Variants in COBL observed in about 807,000 individuals in gnomAD.
COBL encodes protein cordon-bleu.
In COBL, 51 loss-of-function variants were observed where a neutral mutation model predicts 98.8. That is an observed-to-expected ratio of 0.52 (90% CI 0.41 to 0.65). The LOEUF (loss-of-function observed/expected upper bound fraction) is 0.65, where lower values mean the gene tolerates loss of function less well. Ranked by LOEUF, COBL falls within the 30% of genes least tolerant of loss-of-function variation. The probability of loss-of-function intolerance (pLI) is 0.00; values close to 1 mark genes in which losing one functional copy is unlikely to be tolerated. For missense variants in COBL, 1,617 were observed against 1,617.5 expected (o/e 1.00, Z 0.01); for synonymous variants, 634 against 651.7 (o/e 0.97, Z 0.41).
In COBL at chr7:51,133,478, C is replaced by T. The variant is rs138583232; in HGVS notation, c.957+2680G>A. On this transcript the variant is annotated intron_variant, in intron 6 of 12. Coordinates refer to ENST00000265136, the MANE Select transcript of COBL (RefSeq NM_015198.5). ...GGGTGGTTCTCAAAGTGGGGTTCACCGGAGCGGCAGCACTTAAGATGCAAA... is the reference window on the plus strand; with the variant it reads ...GGGTGGTTCTCAAAGTGGGGTTCACTGGAGCGGCAGCACTTAAGATGCAAA... Among the ~76,000 whole-genome samples the T allele has an allele frequency of 4.0e-3, 613 of 152,194 alleles. 5 individuals carry two copies. The highest frequency in any genetic ancestry group is 7.2e-3 in the Non-Finnish European group (489 of 68,010).
chr7:51,309,194 A>G (rs1802779086), intron 1 of COBL, among the ~76,000 whole-genome samples: 1 of 152,106 alleles, frequency 6.6e-6, no homozygotes, highest in Admixed American at 6.5e-5. Flanking sequence ...GGACGATGTG[A>G]TTATGGTTGG....
chr7:51,212,130 AT>A (rs771622100), intron 2 of COBL, among the ~76,000 whole-genome samples: 2 of 151,894 alleles, frequency 1.3e-5, no homozygotes, highest in African/African-American at 2.4e-5. Flanking sequence ...GGTAAATGTT[AT>A]TTTTTTTGTA....
At chr7:51,112,380 T>C (rs751798307) in intron 6 of COBL, among the ~76,000 whole-genome samples, 4 of 152,104 alleles carry the variant, frequency 2.6e-5, no homozygotes, top group Admixed American at 6.5e-5. Context: ...CATTTAAAAA[T>C]ATATAGTTTA....
chr7:51,162,692 G>A (rs180877160), intron 5 of COBL, among the ~76,000 whole-genome samples: 5 of 152,216 alleles, frequency 3.3e-5, no homozygotes, highest in Non-Finnish European at 7.3e-5. Context: ...ATTTCTAATC[G>A]CTACAATGAA....
At chr7:51,033,550 T>C (rs1163825961) in intron 8 of COBL, 1 of 152,196 alleles carries the variant, frequency 6.6e-6, no homozygotes, top group Non-Finnish European at 1.5e-5. Flanking sequence ...GATTTAAAAA[T>C]AGCAAATACC....
At chr7:51,050,482 A>G (rs934499773) in intron 7 of COBL, among the ~76,000 whole-genome samples, 1 of 152,220 alleles carries the variant, frequency 6.6e-6, no homozygotes, top group African/African-American at 2.4e-5. Flanking sequence ...TAACCAATTT[A>G]TCATATCTGG....
chr7:51,159,642 C>G (rs889617951), intron 5 of COBL, among the ~76,000 whole-genome samples: 1 of 152,102 alleles, frequency 6.6e-6, no homozygotes, highest in Non-Finnish European at 1.5e-5. Flanking sequence ...CGTTTTCTAC[C>G]TCAGTATCCT....
chr7:51,289,638 A>G (rs1412777226), intron 1 of COBL, among the ~76,000 whole-genome samples: 2 of 152,258 alleles, frequency 1.3e-5, no homozygotes, highest in African/African-American at 4.8e-5. Context: ...CCTTGCACAC[A>G]GTAGCTGTGC....
At chr7:51,222,074 A>G (rs1793703849) in intron 1 of COBL, among the ~76,000 whole-genome samples, 1 of 152,216 alleles carries the variant, frequency 6.6e-6, no homozygotes, top group South Asian at 2.1e-4. Context: ...CTGTAATCCC[A>G]GCCAGTTGGG....
Position 51,028,414 on chromosome 7 carries a change from C to A in COBL, c.2682G>T (p.Lys894Asn), listed in dbSNP as rs199642976. The A allele has an allele frequency of 6.2e-7, 1 of 1,614,270 alleles. No individual in the cohort carries two copies. The highest frequency in any genetic ancestry group is 2.2e-5 in the East Asian group (1 of 44,890). ...GCACTGGCGCCTTGCCTGCATAACC[C>A]TTCTCGGCATAACCGTGTGGCCTCA... Reference protein sequence around the residue: ...DVVRPHGYAEKGYAGKAPVLA... With the variant: ...DVVRPHGYAENGYAGKAPVLA... The change falls in exon 10 of 13, where the codon AAG (lysine) becomes AAT (asparagine). Residue 894 changes from lysine (K) to asparagine (N), a missense_variant. Lys to Asn is a moderately conservative substitution (Grantham distance 94). Coordinates refer to ENST00000265136, the MANE Select transcript of COBL (RefSeq NM_015198.5).
chr7:51,120,864 GAAT>G (rs1797678151), intron 6 of COBL, among the ~76,000 whole-genome samples: 2 of 152,122 alleles, frequency 1.3e-5, no homozygotes, highest in Non-Finnish European at 2.9e-5. Flanking sequence ...TATTATTACA[GAAT>G]AATATTTCAT....
intron 8 of COBL, 109 bp downstream of exon 8, chr7:51,043,274 T>C: frequency 9.2e-7 from 1 of 1,087,544 alleles, no homozygotes; most frequent in Non-Finnish European, 1.3e-6. Context: ...GGGCCCCTGG[T>C]GCAGAGCAGG....
chr7:51,047,575 C>G (rs1412406409), intron 7 of COBL, among the ~76,000 whole-genome samples: 2 of 152,134 alleles, frequency 1.3e-5, no homozygotes, highest in African/African-American at 4.8e-5. Context: ...AATTAAAGAT[C>G]TTGTGTCCTA....
At chr7:51,216,826 T>C (rs754309890) in intron 2 of COBL, among the ~76,000 whole-genome samples, 1 of 152,218 alleles carries the variant, frequency 6.6e-6, no homozygotes, top group Non-Finnish European at 1.5e-5. Context: ...AAAGGTTGCA[T>C]GTTCTTTACT....
At chr7:51,310,752 C>T (rs555925358) in intron 1 of COBL, among the ~76,000 whole-genome samples, 3 of 152,216 alleles carry the variant, frequency 2.0e-5, no homozygotes, top group African/African-American at 4.8e-5. Context: ...CTCTGCCTCC[C>T]GGTTCAAGCG....
At chr7:51,038,054 G>A (rs552446862) in intron 8 of COBL, among the ~76,000 whole-genome samples, 7 of 152,248 alleles carry the variant, frequency 4.6e-5, no homozygotes, top group African/African-American at 1.4e-4. Context: ...GTTTCACTGC[G>A]TTGGCCAGGC....
At chr7:51,259,433 T>C (rs1377426142) in intron 1 of COBL, 2 of 493,344 alleles carry the variant, frequency 4.1e-6, no homozygotes, top group South Asian at 2.1e-5. Context: ...CTGGGTCTAG[T>C]TCAGCTGGTG....
chr7:51,107,235 C>T (rs1478480708), intron 6 of COBL, among the ~76,000 whole-genome samples: 1 of 151,804 alleles, frequency 6.6e-6, no homozygotes, highest in Admixed American at 6.6e-5. Context: ...GCTGGGACTA[C>T]AGGCGCACGC....
At chr7:51,260,001 T>C (rs1170699845) in intron 1 of COBL, 12 of 757,964 alleles carry the variant, frequency 1.6e-5, no homozygotes, top group Admixed American at 5.5e-5. Context: ...AGGAATCATA[T>C]AGGAATGATT....
Sources: gnomAD v4.1 joint callset for allele counts (sites outside exome capture counted in the v4.1 genomes callset) on GRCh38, gnomAD v4.1.1 for gene constraint, MANE v1.5 for transcripts, NCBI Gene and HGNC (gene_info 2026-07-23, HGNC 2026-07-21) for gene names.